The following TRAPPC9 variants were observed in gnomAD, a reference collection of about 807,000 sequenced individuals.
The protein encoded by TRAPPC9 is trafficking protein particle complex subunit 9, also known as IKK2 binding protein.
In TRAPPC9, 83 loss-of-function variants were observed where a neutral mutation model predicts 124.0. The observed-to-expected ratio is 0.67, with a 90% confidence interval of 0.56 to 0.80. The LOEUF is 0.80. Ranked by LOEUF, TRAPPC9 falls within the 30% of genes least tolerant of loss-of-function variation. The pLI is 0.00. For missense variants in TRAPPC9, 1,302 were observed against 1,508.3 expected (o/e 0.86, Z 2.27); for synonymous variants, 638 against 617.5 (o/e 1.03, Z -0.49).
intron 16 of TRAPPC9, among the ~76,000 whole-genome samples, chr8:140,251,951 G>A (rs185494113): frequency 1.3e-5 from 2 of 152,246 alleles, no homozygotes; most frequent in Admixed American, 1.3e-4. Flanking sequence ...TTTGTTAGGG[G>A]AGCCTGAGTT....
intron 19 of TRAPPC9, among the ~76,000 whole-genome samples, chr8:139,947,171 A>G (rs949910406): frequency 2.0e-5 from 3 of 152,298 alleles, no homozygotes; most frequent in Non-Finnish European, 4.4e-5. Flanking sequence ...TCATTAAAGA[A>G]ATATTAGCAT....
chr8:139,731,360 T>C (rs1817811697), intron 22 of TRAPPC9, 132 bp from the exon 23 acceptor site: 1 of 1,030,296 alleles, frequency 9.7e-7, no homozygotes, highest in Non-Finnish European at 1.5e-6. Context: ...CTGGCTCCAG[T>C]GCCCCCTCCA....
chr8:140,278,874 C>A (rs1429301826), intron 14 of TRAPPC9, among the ~76,000 whole-genome samples: 4 of 152,220 alleles, frequency 2.6e-5, no homozygotes, highest in Non-Finnish European at 5.9e-5. Context: ...CTGAGAAGTT[C>A]CCTGCAAAGC....
At chr8:140,056,932 C>A (rs1200340902) in intron 17 of TRAPPC9, among the ~76,000 whole-genome samples, 3 of 151,986 alleles carry the variant, frequency 2.0e-5, no homozygotes, top group Non-Finnish European at 4.4e-5. Context: ...GGATTAATAT[C>A]CAAAACGTAT....
At chr8:139,841,501 G>A (rs1826727257) in intron 21 of TRAPPC9, among the ~76,000 whole-genome samples, 1 of 152,164 alleles carries the variant, frequency 6.6e-6, no homozygotes, top group Non-Finnish European at 1.5e-5. Context: ...GCTGACCCCT[G>A]AAGTCAGGCA....
chr8:140,119,084 G>C (rs2060939837), intron 17 of TRAPPC9, among the ~76,000 whole-genome samples: 1 of 152,248 alleles, frequency 6.6e-6, no homozygotes, highest in Admixed American at 6.5e-5. Flanking sequence ...GGAGACCCAG[G>C]TAGGCACAAC....
chr8:140,058,222 T>C (rs778051431), intron 17 of TRAPPC9, among the ~76,000 whole-genome samples: 60 of 152,050 alleles, frequency 3.9e-4, no homozygotes, highest in Non-Finnish European at 7.2e-4. Context: ...ATCTTTAATA[T>C]ATGATGTGCT....
Position 140,097,264 on chromosome 8 carries a change from G to A in TRAPPC9, c.2557-73185C>T, listed in dbSNP as rs1441881117. ...AACACACACACCCCATCCCCACCAG[G>A]TCCTGAGTGCACAGCCGCAACAGTA... On this transcript the variant is annotated intron_variant, in intron 17 of 22. Transcript: ENST00000438773. The surrounding 1 kb of genome is among the most constrained non-coding windows in gnomAD (Gnocchi z 4.2). The A allele has an allele frequency of 6.6e-6, 1 of 152,568 alleles. No homozygotes were observed. The highest frequency in any genetic ancestry group is 1.5e-5 in the Non-Finnish European group (1 of 68,338). 9.5% of individuals were successfully genotyped at this position (152,568 alleles called of 1,614,324 possible).
At chr8:139,950,711 T>G (rs1834583428) in intron 19 of TRAPPC9, among the ~76,000 whole-genome samples, 1 of 152,214 alleles carries the variant, frequency 6.6e-6, no homozygotes, top group African/African-American at 2.4e-5. Flanking sequence ...CACCATGGGT[T>G]TCTTGATATA....
intron 6 of TRAPPC9, among the ~76,000 whole-genome samples, chr8:140,404,195 T>C (rs960648712): frequency 1.3e-5 from 2 of 152,152 alleles, no homozygotes; most frequent in Admixed American, 1.3e-4. Flanking sequence ...ACATAACCTA[T>C]GATAAATGTT....
intron 15 of TRAPPC9, among the ~76,000 whole-genome samples, chr8:140,268,876 A>G (rs1346764608): frequency 6.6e-6 from 1 of 152,166 alleles, no homozygotes; most frequent in African/African-American, 2.4e-5. Flanking sequence ...CGCCAAAAGC[A>G]TCTCCCTTGG....
chr8:140,014,227 C>CAG (rs1361693272), intron 18 of TRAPPC9, among the ~76,000 whole-genome samples: 2 of 152,046 alleles, frequency 1.3e-5, no homozygotes, highest in Non-Finnish European at 2.9e-5. Flanking sequence ...AAGAGTGGAT[C>CAG]GTTTATTGTA....
At chr8:139,999,670 C>T (rs1281283958) in intron 18 of TRAPPC9, among the ~76,000 whole-genome samples, 1 of 151,990 alleles carries the variant, frequency 6.6e-6, no homozygotes. Context: ...TTCTAGGCCA[C>T]AGAAAAAATC....
At position 140,241,555 on chromosome 8, in the gene TRAPPC9, C is replaced by G. The variant is rs1587995703; in HGVS notation, c.2431+11222G>C. ...ACTAAAAATACAAAAATTAGCTGGG[C>G]ATGGTGGTGTGCGCCTGTAGTCCCA... is the stretch of plus-strand genomic sequence containing the variant. On this transcript the variant is annotated intron_variant, in intron 16 of 22. Transcript: ENST00000438773. This position sits in a 1 kb window ranked among gnomAD's most constrained non-coding sequence, Gnocchi z 5.0. 6.6e-6 allele frequency among the ~76,000 whole-genome samples: 1 copy of G among 152,114 alleles called. No homozygotes were observed. Among genetic ancestry groups the G allele is most frequent in the African/African-American group, 2.4e-5 (1 of 41,420 alleles).
chr8:139,883,267 C>T lies in TRAPPC9; in HGVS notation c.3055+2612G>A, dbSNP rs536922718. Among the ~76,000 whole-genome samples the T allele has an allele frequency of 5.3e-5, 8 of 152,354 alleles. No individual in the cohort carries two copies. The East Asian group carries it at 1.5e-3, about 29-fold the overall frequency. ...GAGTCCCCAGCAGCAAGAGGGCCCT[C>T]GCCAGACATAGCTCCTTGACCTGGG... is the stretch of plus-strand genomic sequence containing the variant. On this transcript the variant is annotated intron_variant, in intron 21 of 22. Transcript: ENST00000438773.
intron 19 of TRAPPC9, among the ~76,000 whole-genome samples, chr8:139,917,640 C>A (rs1166520070): frequency 6.6e-6 from 1 of 152,222 alleles, no homozygotes; most frequent in East Asian, 1.9e-4. Flanking sequence ...AAGCAACAGG[C>A]TCGGTCGCCA....
rs1831642451 is a variant in TRAPPC9 at position 139,910,310 on chromosome 8, AG to A, written c.2811-11del. 6.2e-7 allele frequency: 1 copy of A among 1,614,090 alleles called. No individual in the cohort carries two copies. Among genetic ancestry groups the A allele is most frequent in the South Asian group, 1.1e-5 (1 of 91,088 alleles). On this transcript the variant is annotated splice_polypyrimidine_tract_variant and intron_variant, in intron 19 of 22. Coordinates refer to ENST00000438773, the MANE Select transcript of TRAPPC9 (RefSeq NM_001160372.4). The stretch of plus-strand genomic sequence containing the variant: ...CACTTGAATAGCCATTCTACGAGAA[AG>A]GGGAAAACACAGCAGAGAATTCATC...
At chr8:140,174,148 C>T (rs2062017584) in intron 17 of TRAPPC9, among the ~76,000 whole-genome samples, 2 of 151,916 alleles carry the variant, frequency 1.3e-5, no homozygotes. Flanking sequence ...CATATTCTCA[C>T]TTATAAGTGG....
chr8:140,444,481 T>A (rs1426173632), intron 2 of TRAPPC9, among the ~76,000 whole-genome samples: 2 of 152,050 alleles, frequency 1.3e-5, no homozygotes, highest in Non-Finnish European at 2.9e-5. Flanking sequence ...ATCATTCCCT[T>A]CGGATTTCTT....
Sources: gnomAD v4.1 joint callset for allele counts (sites outside exome capture counted in the v4.1 genomes callset) on GRCh38, gnomAD v4.1.1 for gene constraint, Gnocchi (gnomAD v3.1) non-coding constraint, MANE v1.5 for transcripts, NCBI Gene and HGNC (gene_info 2026-07-23, HGNC 2026-07-21) for gene names.